Variants in ABCA13 observed in about 807,000 individuals in gnomAD.
The protein encoded by ABCA13 is ATP binding cassette subfamily A member 13, also known as ATP-binding cassette sub-family A member 13.
In ABCA13, 476 loss-of-function variants were observed where a neutral mutation model predicts 478.7. That is an observed-to-expected ratio of 0.99 (90% CI 0.92 to 1.07). The LOEUF (loss-of-function observed/expected upper bound fraction) is 1.07, where lower values mean the gene tolerates loss of function less well. Among genes scored for constraint, ABCA13 ranks in the 50% least tolerant of loss-of-function variants. ABCA13 has a pLI of 0.00. For missense variants in ABCA13, 6,060 were observed against 5,910.6 expected (o/e 1.03, Z -0.83); for synonymous variants, 2,252 against 2,158.9 (o/e 1.04, Z -1.20).
intron 44 of ABCA13, among the ~76,000 whole-genome samples, chr7:48,469,475 G>A (rs1827236168): frequency 6.6e-6 from 1 of 152,170 alleles, no homozygotes; most frequent in South Asian, 2.1e-4. Flanking sequence ...GCAACTTGCT[G>A]AACCTCTCTC....
chr7:48,271,241 T>C (rs1207037836), intron 16 of ABCA13, among the ~76,000 whole-genome samples: 7 of 152,232 alleles, frequency 4.6e-5, no homozygotes, highest in Admixed American at 4.6e-4. Flanking sequence ...GTTGCTCTTC[T>C]GAGAACTCTG....
At chr7:48,512,842 C>T (rs1295643601) in intron 51 of ABCA13, among the ~76,000 whole-genome samples, 1 of 152,154 alleles carries the variant, frequency 6.6e-6, no homozygotes, top group Admixed American at 6.5e-5. Context: ...ATAGGGGTTA[C>T]ACGCTTCTGG....
chr7:48,622,422 CCT>C (rs1793226988), intron 59 of ABCA13, among the ~76,000 whole-genome samples: 2 of 152,090 alleles, frequency 1.3e-5, no homozygotes, highest in African/African-American at 4.8e-5. Context: ...TCAATAAACT[CCT>C]GGAAAATTCT....
At chr7:48,298,552 C>A in intron 23 of ABCA13, 65 bp downstream of exon 23, 1 of 1,555,016 alleles carries the variant, frequency 6.4e-7, no homozygotes, top group Admixed American at 1.9e-5. Flanking sequence ...AAGTCACTGG[C>A]ACTGTGTTGT....
intron 55 of ABCA13, among the ~76,000 whole-genome samples, chr7:48,560,460 G>GT (rs1272116509): frequency 6.6e-6 from 1 of 152,166 alleles, no homozygotes; most frequent in Non-Finnish European, 1.5e-5. Flanking sequence ...GCCTCTTTTA[G>GT]TGATATGAAG....
chr7:48,245,514 G>C lies in ABCA13; in HGVS notation c.1393G>C (p.Val465Leu), dbSNP rs1217301893. The change falls in exon 12 of 62, where the codon GTC becomes CTC. Residue 465 changes from valine to leucine, a missense_variant and splice_region_variant. This residue lies in a region of ABCA13 where 4,423 missense variants were observed against 4,309.1 expected (regional missense o/e 1.03). Transcript: ENST00000435803. ...TAATCAATTTGTCTACTTTGCAGAA[G>C]TCCTCATTTGCCTGGAGACATCAGC... ...IAQNLHFVQE[V>L]LICLETSAND... The C allele has an allele frequency of 6.2e-7, 1 of 1,608,562 alleles. No homozygotes were observed. Among genetic ancestry groups the C allele is most frequent in the East Asian group, 2.2e-5 (1 of 44,768 alleles).
chr7:48,591,408 T>G (rs1317778947), intron 57 of ABCA13, among the ~76,000 whole-genome samples: 1 of 151,992 alleles, frequency 6.6e-6, no homozygotes, highest in African/African-American at 2.4e-5. Context: ...ATAGGAAATG[T>G]GAGGCCTCCA....
chr7:48,245,641 G>A (rs778323569), intron 12 of ABCA13, 29 bp downstream of exon 12: 18 of 1,577,578 alleles, frequency 1.1e-5, no homozygotes, highest in Middle Eastern at 1.8e-4. Flanking sequence ...TTATAAATAA[G>A]CATTTTTAAT....
intron 31 of ABCA13, among the ~76,000 whole-genome samples, chr7:48,353,990 C>T (rs1237027598): frequency 2.0e-5 from 3 of 151,960 alleles, no homozygotes; most frequent in Admixed American, 2.0e-4. Context: ...GCTCCTAAAG[C>T]ATGTTTCTTG....
intron 31 of ABCA13, among the ~76,000 whole-genome samples, chr7:48,362,511 G>A (rs1161102584): frequency 7.0e-6 from 1 of 142,510 alleles, no homozygotes; most frequent in Non-Finnish European, 1.5e-5. Flanking sequence ...TGTTTCAAGT[G>A]TGTCTCTTGT....
intron 7 of ABCA13, among the ~76,000 whole-genome samples, chr7:48,230,843 C>T (rs1788958791): frequency 6.6e-6 from 1 of 152,220 alleles, no homozygotes; most frequent in African/African-American, 2.4e-5. Context: ...ACCCATTCAT[C>T]TGTTCATTTA....
chr7:48,584,857 A>G (rs1336551572), intron 56 of ABCA13, among the ~76,000 whole-genome samples: 1 of 152,180 alleles, frequency 6.6e-6, no homozygotes, highest in East Asian at 1.9e-4. Flanking sequence ...ATTCGGTTAA[A>G]GCGGTCTCCA....
At chr7:48,286,363 C>T (rs1193205425) in intron 19 of ABCA13, among the ~76,000 whole-genome samples, 2 of 152,182 alleles carry the variant, frequency 1.3e-5, no homozygotes, top group South Asian at 2.1e-4. Flanking sequence ...CTAGCAACCA[C>T]GGATCTTTTT....
intron 3 of ABCA13, among the ~76,000 whole-genome samples, chr7:48,215,899 C>T (rs13239697): frequency 0.21 from 31,319 of 151,962 alleles, 3,457 homozygotes; most frequent in Middle Eastern, 0.26. Flanking sequence ...TCACTTAGCA[C>T]GATGTTTTTA....
intron 27 of ABCA13, among the ~76,000 whole-genome samples, chr7:48,330,615 A>G (rs903502392): frequency 4.0e-5 from 6 of 151,806 alleles, no homozygotes; most frequent in African/African-American, 1.5e-4. Flanking sequence ...CCATCCATCC[A>G]TCCATCCATT....
chr7:48,429,909 C>T (rs1312574699), intron 42 of ABCA13, among the ~76,000 whole-genome samples: 1 of 152,000 alleles, frequency 6.6e-6, no homozygotes, highest in Non-Finnish European at 1.5e-5. Context: ...AAATTCTACC[C>T]GGTCATGTCA....
intron 5 of ABCA13, among the ~76,000 whole-genome samples, chr7:48,223,758 A>G (rs1584284977): frequency 6.6e-6 from 1 of 152,032 alleles, no homozygotes; most frequent in South Asian, 2.1e-4. Context: ...GGAGTTCAAG[A>G]CCAGCCTGGC....
At chr7:48,436,729 C>T (rs10480940) in intron 42 of ABCA13, among the ~76,000 whole-genome samples, 45,146 of 151,368 alleles carry the variant, frequency 0.3, 6,807 homozygotes, top group East Asian at 0.38. Flanking sequence ...TCACTTCATT[C>T]GTTTCAAGAT....
At chr7:48,256,502 A>G (rs1038713343) in intron 15 of ABCA13, among the ~76,000 whole-genome samples, 1 of 152,080 alleles carries the variant, frequency 6.6e-6, no homozygotes, top group Non-Finnish European at 1.5e-5. Flanking sequence ...TCCAGCTTCA[A>G]TCTTCTGCAC....
Sources: allele counts gnomAD v4.1 joint callset (sites outside exome capture counted in the v4.1 genomes callset), GRCh38; gene constraint gnomAD v4.1.1; regional missense constraint gnomAD v4.1.1; transcripts MANE v1.5; gene names NCBI Gene and HGNC (gene_info 2026-07-23, HGNC 2026-07-21).